Variants in AGMO observed in about 807,000 individuals in gnomAD.
The protein encoded by AGMO is alkylglycerol monooxygenase.
A neutral mutation model predicts 60.2 loss-of-function variants in AGMO; 75 were observed. That is an observed-to-expected ratio of 1.25 (90% CI 1.03 to 1.51). The LOEUF (loss-of-function observed/expected upper bound fraction) is 1.51. Among genes scored for constraint, AGMO ranks in the 40% most tolerant of loss-of-function variants. The probability of loss-of-function intolerance (pLI) is 0.00; values close to 1 mark genes in which losing one functional copy is unlikely to be tolerated. For synonymous variants in AGMO, 261 were observed against 177.1 expected (o/e 1.47, Z -3.76); for missense variants, 763 against 525.5 (o/e 1.45, Z -4.42).
intron 2 of AGMO, among the ~76,000 whole-genome samples, chr7:15,551,863 G>T (rs902472772): frequency 3.9e-5 from 6 of 151,952 alleles, no homozygotes; most frequent in Non-Finnish European, 7.4e-5. Context: ...CATCACCAAG[G>T]CAATCCTAAG....
chr7:15,455,066 TTCTC>T (rs1781963745), intron 3 of AGMO, among the ~76,000 whole-genome samples: 1 of 134,934 alleles, frequency 7.4e-6, no homozygotes, highest in Non-Finnish European at 1.6e-5. Context: ...TGCATTTTCT[TTCTC>T]TCTCTCTTTC....
chr7:15,339,355 A>C (rs557054656), intron 12 of AGMO, among the ~76,000 whole-genome samples: 109 of 152,260 alleles, frequency 7.2e-4, no homozygotes, highest in African/African-American at 2.5e-3. Flanking sequence ...TCATTTTTTT[A>C]ATTTGAAGAC....
intron 6 of AGMO, among the ~76,000 whole-genome samples, chr7:15,392,294 C>T (rs1018267047): frequency 1.4e-5 from 2 of 143,488 alleles, no homozygotes; most frequent in African/African-American, 2.7e-5. Flanking sequence ...AGGATGGTGT[C>T]TTATCTCCTG....
At chr7:15,451,018 G>A (rs1008835505) in intron 3 of AGMO, among the ~76,000 whole-genome samples, 39 of 151,788 alleles carry the variant, frequency 2.6e-4, no homozygotes, top group Admixed American at 2.6e-3. Flanking sequence ...GAATAATGAA[G>A]GTAAATATGT....
chr7:15,250,747 C>A (rs1183356163), intron 12 of AGMO, among the ~76,000 whole-genome samples: 1 of 152,092 alleles, frequency 6.6e-6, no homozygotes, highest in East Asian at 1.9e-4. Context: ...CCAGACCAGA[C>A]TGGCCAACAG....
At chr7:15,182,572 T>C in the AGMO span, among the ~76,000 whole-genome samples, 2 of 152,032 alleles carry the variant, frequency 1.3e-5, no homozygotes, top group South Asian at 2.1e-4. Context: ...TGCACCACCA[T>C]ACCTGGCTAA....
Position 15,290,448 on chromosome 7 carries a change from T to C in AGMO, c.1263+75066A>G, listed in dbSNP as rs112519975. 5.9e-3 allele frequency among the ~76,000 whole-genome samples: 898 copies of C among 152,284 alleles called. 3 individuals are homozygous for C. Among genetic ancestry groups the C allele is most frequent in the African/African-American group, 0.019 (779 of 41,550 alleles). ...TGGATTAAATAAAAATCTACGAAATTTTCTCTTTGAAGGACTTCTTAAAGC... is the reference window on the plus strand; with the variant it reads ...TGGATTAAATAAAAATCTACGAAATCTTCTCTTTGAAGGACTTCTTAAAGC... On this transcript the variant is annotated intron_variant, in intron 12 of 12. Transcript: ENST00000342526.
intron 3 of AGMO, among the ~76,000 whole-genome samples, chr7:15,479,849 T>A (rs1310146922): frequency 6.6e-6 from 1 of 151,946 alleles, no homozygotes; most frequent in Non-Finnish European, 1.5e-5. Context: ...GTAGGAGTGG[T>A]GATGAGAGCT....
chr7:15,434,681 A>C (rs528487126), intron 3 of AGMO, among the ~76,000 whole-genome samples: 27 of 152,264 alleles, frequency 1.8e-4, no homozygotes, highest in African/African-American at 6.5e-4. Flanking sequence ...TGCAGTTTGC[A>C]AAGAGCTGAA....
chr7:15,536,832 C>T (rs1035847262), intron 3 of AGMO, among the ~76,000 whole-genome samples: 1 of 151,828 alleles, frequency 6.6e-6, no homozygotes, highest in Non-Finnish European at 1.5e-5. Context: ...TTTCATTATG[C>T]TATTTTATAT....
At chr7:15,326,739 T>G (rs1013612119) in intron 12 of AGMO, among the ~76,000 whole-genome samples, 1 of 152,304 alleles carries the variant, frequency 6.6e-6, no homozygotes, top group East Asian at 1.9e-4. Context: ...AATGGCTAAC[T>G]TGGTACAAAC....
intron 2 of AGMO, among the ~76,000 whole-genome samples, chr7:15,548,924 G>A (rs1409680788): frequency 1.4e-5 from 2 of 146,526 alleles, no homozygotes; most frequent in Admixed American, 1.3e-4. Flanking sequence ...GAGAAAGGTC[G>A]GGTTACCCTC....
intron 12 of AGMO, among the ~76,000 whole-genome samples, chr7:15,322,340 A>G (rs1781131857): frequency 6.9e-6 from 1 of 145,868 alleles, no homozygotes; most frequent in Non-Finnish European, 1.5e-5. Context: ...ATGCCATACC[A>G]GTTGGGAAAA....
At chr7:15,423,704 C>T (rs535640342) in intron 4 of AGMO, among the ~76,000 whole-genome samples, 66 of 88,854 alleles carry the variant, frequency 7.4e-4, no homozygotes, top group African/African-American at 2.2e-3. Flanking sequence ...GATAGACATG[C>T]ACACAGCGAG....
the AGMO span, among the ~76,000 whole-genome samples, chr7:15,139,033 T>C: frequency 6.6e-6 from 1 of 152,182 alleles, no homozygotes; most frequent in Non-Finnish European, 1.5e-5. Context: ...GACACCTAAA[T>C]TTCTATCTGT....
chr7:15,502,021 T>C (rs1255806053), intron 3 of AGMO, among the ~76,000 whole-genome samples: 1 of 152,044 alleles, frequency 6.6e-6, no homozygotes, highest in Non-Finnish European at 1.5e-5. Context: ...CACTCTCAAG[T>C]CTTGAAGTCC....
chr7:15,485,685 C>T (rs1041335570), intron 3 of AGMO, among the ~76,000 whole-genome samples: 1 of 152,094 alleles, frequency 6.6e-6, no homozygotes, highest in Admixed American at 6.6e-5. Flanking sequence ...TGGAAGAAAA[C>T]GTAGATGACG....
chr7:15,135,491 G>C, the AGMO span, among the ~76,000 whole-genome samples: 1 of 152,028 alleles, frequency 6.6e-6, no homozygotes, highest in Non-Finnish European at 1.5e-5. Flanking sequence ...TTTGGAAACA[G>C]GCTAGCTTAG....
the AGMO span, among the ~76,000 whole-genome samples, chr7:15,123,957 A>G: frequency 1.3e-5 from 2 of 152,208 alleles, no homozygotes; most frequent in South Asian, 4.1e-4. Flanking sequence ...TTCAATCTGT[A>G]TCAGTACCAT....
Sources: gnomAD v4.1 joint callset for allele counts (sites outside exome capture counted in the v4.1 genomes callset) on GRCh38, gnomAD v4.1.1 for gene constraint, MANE v1.5 for transcripts, NCBI Gene and HGNC (gene_info 2026-07-23, HGNC 2026-07-21) for gene names.